Variants in RARB observed in about 807,000 individuals in gnomAD.
The protein encoded by RARB is HBV-activated protein.
RARB carries 17 observed loss-of-function variants against 51.9 expected under a neutral mutation model. The ratio of observed to expected loss-of-function variants is 0.33; its 90% CI spans 0.22 to 0.49. The LOEUF is 0.49. RARB is among the 20% of genes least tolerant of loss of function. RARB has a pLI of 0.99. For synonymous variants in RARB, 215 were observed against 195.4 expected, an observed-to-expected ratio of 1.10 and a Z score of -0.84; for missense variants, 369 against 550.8, an observed-to-expected ratio of 0.67 and a Z score of 3.30.
At chr3:24,924,032 T>C (rs933862822) in intron 2 of RARB, among the ~76,000 whole-genome samples, 32 of 152,192 alleles carry the variant, frequency 2.1e-4, no homozygotes, top group African/African-American at 6.8e-4. Context: ...GTATGCAATT[T>C]AGTGACCCAG....
chr3:25,046,309 A>T (rs1050358607), intron 2 of RARB, among the ~76,000 whole-genome samples: 4 of 152,194 alleles, frequency 2.6e-5, no homozygotes, highest in Admixed American at 2.6e-4. Context: ...TCAGTCTCCT[A>T]AGTTATTCCC....
At position 25,571,287 on chromosome 3, in the gene RARB, C is replaced by T. The variant is rs116313497; in HGVS notation, c.609+1369C>T. ...GTGCATCTGAAGCACCTGGTGAACT[C>T]GTTACAGTGCAGGTTCTGGTGCAGC... On this transcript the variant is annotated intron_variant, in intron 4 of 7. Coordinates refer to ENST00000330688, the MANE Select transcript of RARB (RefSeq NM_000965.5). Among the ~76,000 whole-genome samples the T allele has an allele frequency of 6.0e-3, 915 of 152,330 alleles. 10 individuals are homozygous for T. The highest frequency in any genetic ancestry group is 0.021 in the African/African-American group (878 of 41,584).
chr3:25,580,398 C>T lies in RARB; in HGVS notation c.610-148C>T, dbSNP rs1701123359. Reference sequence around the variant, plus strand: ...CACACACACAAAAAAAGGATGAATCCAGGCTAAAAAAAATGTAGCTGTCCC... The same window carrying T: ...CACACACACAAAAAAAGGATGAATCTAGGCTAAAAAAAATGTAGCTGTCCC... On this transcript the variant is annotated intron_variant, in intron 4 of 7. Transcript: ENST00000330688. 8.4e-6 allele frequency: 6 copies of T among 717,508 alleles called. No homozygotes were observed. In the South Asian group the frequency reaches 1.5e-4, roughly 18 times the overall value. 44.4% of individuals were successfully genotyped at this position (717,508 alleles called of 1,614,324 possible).
At chr3:25,539,748 A>G (rs1699299046) in intron 3 of RARB, among the ~76,000 whole-genome samples, 1 of 151,840 alleles carries the variant, frequency 6.6e-6, no homozygotes, top group African/African-American at 2.4e-5. Flanking sequence ...CGATCCATAC[A>G]CTGGATTTCT....
At chr3:25,242,586 T>TC (rs201340140) in intron 5 of RARB, among the ~76,000 whole-genome samples, 3 of 152,332 alleles carry the variant, frequency 2.0e-5, no homozygotes, top group East Asian at 3.9e-4. Context: ...TGCTTTTTTT[T>TC]CTGTCAGGTT....
intron 4 of RARB, among the ~76,000 whole-genome samples, chr3:25,142,210 T>C (rs56150061): frequency 0.086 from 13,086 of 152,234 alleles, 715 homozygotes; most frequent in Non-Finnish European, 0.13. Context: ...GGCGGGCACC[T>C]GTAGTCCCAG....
chr3:24,918,231 T>C (rs146273601), intron 2 of RARB, among the ~76,000 whole-genome samples: 2,031 of 152,318 alleles, frequency 0.013, 43 homozygotes, highest in African/African-American at 0.047. Context: ...AATGAACGAA[T>C]TACTAATACA....
intron 3 of RARB, among the ~76,000 whole-genome samples, chr3:25,552,719 A>G (rs1037665199): frequency 6.3e-5 from 9 of 142,052 alleles, no homozygotes; most frequent in Admixed American, 1.5e-4. Context: ...AGGGTATGAT[A>G]AAGGTAATGA....
intron 5 of RARB, among the ~76,000 whole-genome samples, chr3:25,334,389 T>C (rs1669497178): frequency 6.6e-6 from 1 of 152,134 alleles, no homozygotes; most frequent in Non-Finnish European, 1.5e-5. Flanking sequence ...GGGACATGGA[T>C]GAAGTAGGAA....
intron 2 of RARB, among the ~76,000 whole-genome samples, chr3:25,057,170 T>C (rs1288770904): frequency 6.6e-6 from 1 of 152,104 alleles, no homozygotes; most frequent in Non-Finnish European, 1.5e-5. Context: ...GTATTTCTGC[T>C]GAATCTTCCA....
At chr3:25,315,908 C>A (rs938477897) in intron 5 of RARB, among the ~76,000 whole-genome samples, 4 of 152,082 alleles carry the variant, frequency 2.6e-5, no homozygotes, top group Non-Finnish European at 5.9e-5. Flanking sequence ...CATGAACCAC[C>A]GCACCTGACC....
intron 5 of RARB, among the ~76,000 whole-genome samples, chr3:25,273,498 C>T (rs1004475131): frequency 2.0e-5 from 3 of 152,118 alleles, no homozygotes; most frequent in African/African-American, 4.8e-5. Flanking sequence ...CCTAATATGT[C>T]TCCAAATGGG....
chr3:25,295,019 A>G (rs941053449), intron 5 of RARB, among the ~76,000 whole-genome samples: 1 of 152,156 alleles, frequency 6.6e-6, no homozygotes, highest in African/African-American at 2.4e-5. Context: ...TCGAAAGACA[A>G]TCTGTCCATT....
intron 5 of RARB, among the ~76,000 whole-genome samples, chr3:25,177,320 A>G (rs938918511): frequency 6.6e-6 from 1 of 152,238 alleles, no homozygotes; most frequent in African/African-American, 2.4e-5. Context: ...GTTTTTATCC[A>G]TGTACTGAGA....
intron 2 of RARB, among the ~76,000 whole-genome samples, chr3:25,007,605 C>CAAAAAAAAAAAAAAAAAAAAAAA (rs1279154112): frequency 1.6e-5 from 1 of 60,640 alleles, no homozygotes; most frequent in African/African-American, 5.8e-5. Flanking sequence ...AAAAAAAAAA[C>CAAAAAAAAAAAAAAAAAAAAAAA]AAAAAAACCT....
intron 5 of RARB, among the ~76,000 whole-genome samples, chr3:25,334,178 G>T (rs985796538): frequency 2.6e-5 from 4 of 152,128 alleles, no homozygotes; most frequent in African/African-American, 9.7e-5. Flanking sequence ...CTATTACTGG[G>T]TATATACCCA....
chr3:24,994,162 C>A (rs777587713), intron 2 of RARB, among the ~76,000 whole-genome samples: 11 of 152,142 alleles, frequency 7.2e-5, no homozygotes, highest in South Asian at 2.1e-4. Context: ...TCCTCACCAG[C>A]ATTTGTTATT....
intron 2 of RARB, among the ~76,000 whole-genome samples, chr3:24,966,198 G>C (rs1195910194): frequency 1.3e-5 from 2 of 151,990 alleles, no homozygotes; most frequent in East Asian, 3.9e-4. Flanking sequence ...CCAAAGGAGA[G>C]AGTGGACATG....
chr3:24,959,702 A>G (rs976561126), intron 2 of RARB, among the ~76,000 whole-genome samples: 3 of 152,176 alleles, frequency 2.0e-5, no homozygotes, highest in African/African-American at 7.2e-5. Context: ...TTAAAACAAA[A>G]TGAAAAGCCA....
Sources: allele counts gnomAD v4.1 joint callset (sites outside exome capture counted in the v4.1 genomes callset), GRCh38; gene constraint gnomAD v4.1.1; transcripts MANE v1.5; gene names NCBI Gene and HGNC (gene_info 2026-07-23, HGNC 2026-07-21).